Variants in CILK1 observed in about 807,000 individuals in gnomAD.
CILK1 encodes the protein ciliogenesis associated kinase 1.
Under a neutral mutation model 79.2 loss-of-function variants are expected in CILK1, and 47 were observed. The ratio of observed to expected loss-of-function variants is 0.59; its 90% CI spans 0.47 to 0.76. CILK1 has a LOEUF of 0.76. CILK1 is among the 30% of genes least tolerant of loss of function. CILK1 has a pLI of 0.00. For missense variants in CILK1, 660 were observed against 769.5 expected, an observed-to-expected ratio of 0.86 and a Z score of 1.68; for synonymous variants, 266 against 275.9, an observed-to-expected ratio of 0.96 and a Z score of 0.36.
At chr6:53,045,791 TAA>T (rs34673433) in intron 1 of CILK1, among the ~76,000 whole-genome samples, 1 of 113,354 alleles carries the variant, frequency 8.8e-6, no homozygotes, top group Non-Finnish European at 1.7e-5. Flanking sequence ...GTCATCTTCC[TAA>T]AAAAAAAAAA....
rs988495501 is a variant in CILK1 at position 53,004,414 on chromosome 6, G to A, written c.*735C>T. The A allele has an allele frequency of 9.9e-5, 15 of 152,156 alleles. No individual in the cohort carries two copies. Among genetic ancestry groups the A allele is most frequent in the Non-Finnish European group, 5.9e-5 (4 of 68,026 alleles). The allele number at this position is 152,156 out of a possible 1,614,324, so 9.4% of individuals were successfully genotyped here. A position where few individuals can be genotyped will look rare whatever the true frequency, so the allele number is the denominator to read the frequency against. The stretch of plus-strand genomic sequence containing the variant: ...GAATAAATTAGAATATAATGGCATA[G>A]TATAATTAAGCTTGGTTTCATCTGA... On this transcript the variant is annotated 3_prime_UTR_variant, in exon 14 of 14. Transcript: ENST00000676107.
At position 53,061,651 on chromosome 6, in the gene CILK1, G is replaced by A. The variant is rs1311733129; in HGVS notation, c.-228C>T. 3 of 152,456 alleles carry A rather than the reference G, an allele frequency of 2.0e-5. No individual in the cohort carries two copies. The highest frequency in any genetic ancestry group is 3.9e-4 in the East Asian group (2 of 5,176). 9.4% of individuals were successfully genotyped at this position (152,456 alleles called of 1,614,324 possible). ...CCTGAGGTGAGCGCAGCTCCTCGACGAGCGGGGCGCAGCCGCCCGCTCCGG... is the reference window on the plus strand; with the variant it reads ...CCTGAGGTGAGCGCAGCTCCTCGACAAGCGGGGCGCAGCCGCCCGCTCCGG... On this transcript the variant is annotated 5_prime_UTR_variant, in exon 1 of 14. Coordinates refer to ENST00000676107, the MANE Select transcript of CILK1 (RefSeq NM_014920.5).
At chr6:53,050,827 CAAA>C (rs891966820) in intron 1 of CILK1, among the ~76,000 whole-genome samples, 1 of 150,956 alleles carries the variant, frequency 6.6e-6, no homozygotes, top group Non-Finnish European at 1.5e-5. Context: ...GACCCTGTCT[CAAA>C]AAAAAATTTT....
At chr6:53,050,551 C>T (rs547306015) in intron 1 of CILK1, among the ~76,000 whole-genome samples, 55 of 151,740 alleles carry the variant, frequency 3.6e-4, no homozygotes, top group African/African-American at 1.1e-3. Context: ...ATAGGCTGGG[C>T]GTGGTCGCTC....
rs1190893354 is a variant in CILK1 at position 53,018,375 on chromosome 6, A to G, written c.618T>C (p.Ile206=). The G allele has an allele frequency of 1.9e-6, 3 of 1,614,012 alleles. No individual in the cohort carries two copies. In the African/African-American group the frequency reaches 4.0e-5, roughly 22 times the overall value. The change falls in exon 7 of 14, where the codon ATT becomes ATC. Residue 206 remains isoleucine (I), a synonymous_variant. Transcript: ENST00000676107. ...CTTGGCAAATTTTGAATATTGTGTC[A>G]ATTTCACTGGCTCCAGGGAAGAGTG... ...LRPLFPGASE[I]DTIFKICQVL...
At chr6:53,026,341 G>A (rs1765575875) in intron 5 of CILK1, among the ~76,000 whole-genome samples, 1 of 152,042 alleles carries the variant, frequency 6.6e-6, no homozygotes, top group Non-Finnish European at 1.5e-5. Context: ...TAGAGACGGG[G>A]TTTCGCCATG....
At chr6:53,030,849 A>C (rs1221758801) in intron 5 of CILK1, among the ~76,000 whole-genome samples, 2 of 152,254 alleles carry the variant, frequency 1.3e-5, no homozygotes, top group Admixed American at 6.5e-5. Context: ...TTAATGTTAA[A>C]GCCTACAGAA....
intron 3 of CILK1, among the ~76,000 whole-genome samples, chr6:53,035,552 AG>A (rs1161097458): frequency 6.6e-6 from 1 of 152,192 alleles, no homozygotes; most frequent in African/African-American, 2.4e-5. Context: ...TCATGGGAGC[AG>A]GGATTCCCCT....
intron 5 of CILK1, among the ~76,000 whole-genome samples, chr6:53,023,386 C>G (rs1183410794): frequency 6.6e-6 from 1 of 152,116 alleles, no homozygotes; most frequent in African/African-American, 2.4e-5. Flanking sequence ...GAACATTAAA[C>G]AGCTTAATGT....
chr6:53,038,091 T>C, intron 2 of CILK1, 98 bp from the exon 3 acceptor site: 2 of 796,372 alleles, frequency 2.5e-6, no homozygotes, highest in Non-Finnish European at 2.2e-6. Flanking sequence ...TAATTAACAG[T>C]ACTTAAAGTG....
At chr6:53,056,093 C>T (rs932921463) in intron 1 of CILK1, among the ~76,000 whole-genome samples, 1 of 152,082 alleles carries the variant, frequency 6.6e-6, no homozygotes, top group Non-Finnish European at 1.5e-5. Flanking sequence ...ATGATACTGG[C>T]AAATAAGTAG....
intron 5 of CILK1, among the ~76,000 whole-genome samples, chr6:53,021,563 G>A (rs963084242): frequency 6.6e-6 from 1 of 152,120 alleles, no homozygotes; most frequent in Non-Finnish European, 1.5e-5. Flanking sequence ...CCTAAAGAGA[G>A]AAACTTATTT....
chr6:53,009,705 T>G (rs931103512), intron 11 of CILK1, 138 bp from the exon 12 acceptor site: 6 of 729,530 alleles, frequency 8.2e-6, no homozygotes, highest in African/African-American at 7.1e-5. Flanking sequence ...CTGACTGTGA[T>G]GATGTCATCT....
At chr6:53,040,867 A>C (rs1370902374) in intron 2 of CILK1, among the ~76,000 whole-genome samples, 1 of 152,242 alleles carries the variant, frequency 6.6e-6, no homozygotes, top group Non-Finnish European at 1.5e-5. Flanking sequence ...AATGATGTTT[A>C]TTAACCTGCT....
chr6:53,021,682 A>C (rs759280488), intron 5 of CILK1, among the ~76,000 whole-genome samples: 4 of 152,084 alleles, frequency 2.6e-5, no homozygotes, highest in Non-Finnish European at 5.9e-5. Context: ...TCAATTAATG[A>C]TGGACTGCAT....
intron 12 of CILK1, 27 bp downstream of exon 12, chr6:53,009,412 A>G (rs1306453600): frequency 1.9e-6 from 3 of 1,613,204 alleles, no homozygotes; most frequent in South Asian, 2.2e-5. Flanking sequence ...GCTTTTTGCC[A>G]TTTAGGGGTT....
Position 53,032,527 on chromosome 6 carries a change from C to T in CILK1, c.278+6G>A, listed in dbSNP as rs1378184819. On this transcript the variant is annotated splice_donor_region_variant and intron_variant, in intron 4 of 13. Coordinates refer to ENST00000676107, the MANE Select transcript of CILK1 (RefSeq NM_014920.5). ...CTATAATAAGATAATGATGACCAAA[C>T]TGTACCTCTCTTTAATGAGCTGGTA... The T allele has an allele frequency of 2.5e-6, 4 of 1,597,438 alleles. No individual in the cohort carries two copies. In the African/African-American group the frequency reaches 5.4e-5, roughly 21 times the overall value.
Position 53,016,077 on chromosome 6 carries a change from GA to G in CILK1, c.831+5del, listed in dbSNP as rs200780900. 1,953 of 1,613,750 alleles carry G rather than the reference GA, an allele frequency of 1.2e-3. 32 individuals carry two copies. The African/African-American group carries it at 0.023, about 19-fold the overall frequency. On this transcript the variant is annotated splice_donor_5th_base_variant and intron_variant, in intron 8 of 13. Coordinates refer to ENST00000676107, the MANE Select transcript of CILK1 (RefSeq NM_014920.5). ...TGAACGTTATAACAAGAAAATGGAA[GA>G]AAACCTGACTAGCTGTTGGTCGTTT...
At position 53,013,731 on chromosome 6, in the gene CILK1, T is replaced by C. The variant is rs763665460; in HGVS notation, c.1083A>G (p.Pro361=). 1.2e-5 allele frequency: 19 copies of C among 1,614,112 alleles called. No homozygotes were observed. The highest frequency in any genetic ancestry group is 1.4e-5 in the Non-Finnish European group (16 of 1,180,018). Residue 361 remains proline (P), a synonymous_variant, in exon 9 of 14, where the codon CCA becomes CCG. Coordinates refer to ENST00000676107, the MANE Select transcript of CILK1 (RefSeq NM_014920.5). The part of the protein sequence containing the change: ...YKAEVSRTDH[P]SHLQEDKPSP... ...TTGGCTTGTCCTCCTGGAGATGGCT[T>C]GGGTGATCTGTCCTGGAGACCTCTG... is the stretch of plus-strand genomic sequence containing the variant.
Sources: allele counts gnomAD v4.1 joint callset (sites outside exome capture counted in the v4.1 genomes callset), GRCh38; gene constraint gnomAD v4.1.1; transcripts MANE v1.5; gene names NCBI Gene and HGNC (gene_info 2026-07-23, HGNC 2026-07-21).